The following ANKRD30B variants were observed in gnomAD, a reference collection of about 807,000 sequenced individuals.
ANKRD30B encodes ankyrin repeat domain 30B, also known as ankyrin repeat domain-containing protein 30B.
Under a neutral mutation model 202.2 loss-of-function variants are expected in ANKRD30B, and 144 were observed. That is an observed-to-expected ratio of 0.71 (90% CI 0.62 to 0.82). The LOEUF (loss-of-function observed/expected upper bound fraction) is 0.82. Among genes scored for constraint, ANKRD30B ranks in the 40% least tolerant of loss-of-function variants. The probability of loss-of-function intolerance (pLI) is 0.00; values close to 1 mark genes in which losing one functional copy is unlikely to be tolerated. For synonymous variants in ANKRD30B, 508 were observed against 561.3 expected (o/e 0.91, Z 1.34); for missense variants, 1,487 against 1,669.1 (o/e 0.89, Z 1.90).
the ANKRD30B span, chr18:14,888,858 G>A: frequency 5.4e-6 from 5 of 926,792 alleles, no homozygotes; most frequent in African/African-American, 8.6e-5. Context: ...TGGTTTTCCA[G>A]AATTAGTCCT....
intron 9 of ANKRD30B, among the ~76,000 whole-genome samples, chr18:14,776,948 G>C (rs1967394049): frequency 6.6e-6 from 1 of 152,130 alleles, no homozygotes; most frequent in Non-Finnish European, 1.5e-5. Flanking sequence ...GACATACTCT[G>C]AAAATTCTCT....
the ANKRD30B span, among the ~76,000 whole-genome samples, chr18:14,868,870 G>A: frequency 4.6e-5 from 7 of 152,272 alleles, no homozygotes; most frequent in Non-Finnish European, 1.0e-4. Flanking sequence ...GCCAGGAAGT[G>A]ATGCTGGGAC....
chr18:14,892,550 C>T, the ANKRD30B span, among the ~76,000 whole-genome samples: 1 of 151,850 alleles, frequency 6.6e-6, no homozygotes, highest in Non-Finnish European at 1.5e-5. Context: ...ACTAACCTGG[C>T]CAACATGGCG....
At chr18:14,827,083 A>G (rs1451016868) in intron 32 of ANKRD30B, among the ~76,000 whole-genome samples, 1 of 152,122 alleles carries the variant, frequency 6.6e-6, no homozygotes, top group Non-Finnish European at 1.5e-5. Context: ...GTGTTAGGCT[A>G]CTAATTATTT....
chr18:14,928,165 A>G, the ANKRD30B span, among the ~76,000 whole-genome samples: 9 of 152,140 alleles, frequency 5.9e-5, no homozygotes, highest in Middle Eastern at 6.8e-3. Flanking sequence ...ACAGAGTTTC[A>G]GCATGCTGGC....
At chr18:14,777,803 T>G (rs1403834871) in intron 9 of ANKRD30B, among the ~76,000 whole-genome samples, 182 bp from the exon 10 acceptor site, 1 of 151,456 alleles carries the variant, frequency 6.6e-6, no homozygotes, top group Non-Finnish European at 1.5e-5. Flanking sequence ...ATTAGCCAGG[T>G]GTGGTGGCTC....
intron 39 of ANKRD30B, among the ~76,000 whole-genome samples, chr18:14,844,059 T>C (rs1248917535): frequency 6.6e-6 from 1 of 152,208 alleles, no homozygotes; most frequent in Non-Finnish European, 1.5e-5. Context: ...TGTGTAATTT[T>C]CTGTAACATT....
chr18:14,837,382 T>C (rs1319110636), intron 35 of ANKRD30B, 93 bp downstream of exon 35: 7 of 1,148,496 alleles, frequency 6.1e-6, no homozygotes, highest in Admixed American at 3.0e-5. Flanking sequence ...TGCTGTTATA[T>C]AGAAAACAAT....
the ANKRD30B span, among the ~76,000 whole-genome samples, chr18:14,908,036 G>A: frequency 2.0e-5 from 3 of 152,190 alleles, no homozygotes; most frequent in African/African-American, 7.2e-5. Flanking sequence ...ACAGATGGTT[G>A]ATGCTTTTAT....
intron 39 of ANKRD30B, among the ~76,000 whole-genome samples, chr18:14,847,614 G>T (rs934214266): frequency 6.8e-6 from 1 of 147,798 alleles, no homozygotes; most frequent in Non-Finnish European, 1.5e-5. Context: ...GTTTTTAAAA[G>T]TATCTTCTAT....
intron 16 of ANKRD30B, among the ~76,000 whole-genome samples, chr18:14,795,457 A>G (rs1481217895): frequency 2.6e-5 from 4 of 152,180 alleles, no homozygotes; most frequent in Admixed American, 2.6e-4. Context: ...TCAGGCGTCC[A>G]AGGTTCTGGA....
intron 1 of ANKRD30B, among the ~76,000 whole-genome samples, chr18:14,749,928 T>C (rs1913159975): frequency 1.3e-5 from 2 of 151,874 alleles, no homozygotes; most frequent in African/African-American, 4.8e-5. Flanking sequence ...AAAACTAGAT[T>C]TTTATGGCAC....
chr18:14,769,209 C>T (rs573804599), intron 7 of ANKRD30B, 134 bp from the exon 8 acceptor site: 184 of 607,434 alleles, frequency 3.0e-4, no homozygotes, highest in African/African-American at 1.5e-3. Context: ...GCTCCTCAGG[C>T]GATCCTCCTG....
At chr18:14,786,317 G>A (rs1252398614) in intron 14 of ANKRD30B, among the ~76,000 whole-genome samples, 2 of 152,102 alleles carry the variant, frequency 1.3e-5, no homozygotes, top group Admixed American at 6.5e-5. Flanking sequence ...ATGTGGGAAC[G>A]TTAGATTACT....
At chr18:14,777,400 C>A (rs768250368) in intron 9 of ANKRD30B, among the ~76,000 whole-genome samples, 5 of 151,816 alleles carry the variant, frequency 3.3e-5, no homozygotes, top group Non-Finnish European at 7.4e-5. Flanking sequence ...CAGGTTCCAT[C>A]GATTCTCCTG....
chr18:14,923,472 C>T, the ANKRD30B span, among the ~76,000 whole-genome samples: 1 of 151,992 alleles, frequency 6.6e-6, no homozygotes, highest in Non-Finnish European at 1.5e-5. Flanking sequence ...GTTTGGGTGC[C>T]AGCTCAGCTG....
chr18:14,898,158 G>T, the ANKRD30B span, among the ~76,000 whole-genome samples: 2 of 152,016 alleles, frequency 1.3e-5, no homozygotes, highest in Non-Finnish European at 2.9e-5. Context: ...CCATACCATT[G>T]TCTGAAATAT....
At chr18:14,893,155 G>A in the ANKRD30B span, among the ~76,000 whole-genome samples, 184 of 152,244 alleles carry the variant, frequency 1.2e-3, no homozygotes, top group African/African-American at 4.3e-3. Flanking sequence ...GGCAGAATCA[G>A]TACCTTATCA....
chr18:14,840,601 G>T lies in ANKRD30B; in HGVS notation c.3002G>T (p.Ser1001Ile). ...STSDSEIISV[S>I]DTQNYECLPE... ...TATCTTTAACAGATTATCTCTGTGA[G>T]TGATACACAGAATTATGAGTGTTTA... Residue 1001 changes from serine to isoleucine, a missense_variant, in exon 37 of 44, where the codon AGT becomes ATT. Ser to Ile is a moderately radical substitution (Grantham distance 142, BLOSUM62 -2). Transcript: ENST00000690538. 1 of 1,480,378 alleles carries T rather than the reference G, an allele frequency of 6.8e-7. No homozygotes were observed. Among genetic ancestry groups the T allele is most frequent in the Non-Finnish European group, 9.1e-7 (1 of 1,095,940 alleles). 91.7% of individuals were successfully genotyped at this position (1,480,378 alleles called of 1,614,324 possible).
Sources: allele counts gnomAD v4.1 joint callset (sites outside exome capture counted in the v4.1 genomes callset), GRCh38; gene constraint gnomAD v4.1.1; transcripts MANE v1.5; gene names NCBI Gene and HGNC (gene_info 2026-07-23, HGNC 2026-07-21).